Variants in FNDC3B observed in about 807,000 individuals in gnomAD.
FNDC3B encodes the protein fibronectin type III domain-containing protein 3B.
FNDC3B carries 12 observed loss-of-function variants against 151.5 expected under a neutral mutation model. That is an observed-to-expected ratio of 0.08 (90% CI 0.05 to 0.13). The LOEUF (loss-of-function observed/expected upper bound fraction) is 0.13. Among genes scored for constraint, FNDC3B ranks in the 10% least tolerant of loss-of-function variants. The pLI is 1.00. For synonymous variants in FNDC3B, 528 were observed against 549.0 expected, an observed-to-expected ratio of 0.96 and a Z score of 0.54; for missense variants, 1,214 against 1,505.3, an observed-to-expected ratio of 0.81 and a Z score of 3.20.
intron 6 of FNDC3B, among the ~76,000 whole-genome samples, chr3:172,279,493 T>C (rs1388351789): frequency 6.6e-6 from 1 of 152,244 alleles, no homozygotes; most frequent in South Asian, 2.1e-4. Flanking sequence ...TGCTGCTTTC[T>C]TTTTCGGTGT....
intron 7 of FNDC3B, among the ~76,000 whole-genome samples, chr3:172,294,464 C>A (rs1259696296): frequency 6.6e-6 from 1 of 152,140 alleles, no homozygotes; most frequent in South Asian, 2.1e-4. Flanking sequence ...GTGCCACACA[C>A]TTTTAAACAA....
intron 21 of FNDC3B, among the ~76,000 whole-genome samples, chr3:172,349,146 A>G (rs1009172840): frequency 1.3e-5 from 2 of 151,978 alleles, no homozygotes; most frequent in African/African-American, 4.8e-5. Flanking sequence ...AAATACAAAA[A>G]TTAGCCAGGC....
At position 172,110,201 on chromosome 3, in the gene FNDC3B, C is replaced by T. The variant is rs955435287; in HGVS notation, c.-28-2251C>T. Among the ~76,000 whole-genome samples the T allele has an allele frequency of 3.9e-5, 6 of 152,142 alleles. No individual in the cohort carries two copies. In the South Asian group the frequency reaches 1.2e-3, roughly 32 times the overall value. ...TTCTTCGGTACTAGAGACAGGAGAC[C>T]AGGAATGCCTAAATATTGTACCAGA... On this transcript the variant is annotated intron_variant, in intron 1 of 25. Transcript: ENST00000415807.
chr3:172,298,117 AAAGT>A (rs1442263406), intron 8 of FNDC3B, among the ~76,000 whole-genome samples: 1 of 152,204 alleles, frequency 6.6e-6, no homozygotes, highest in African/African-American at 2.4e-5. Context: ...TGAAGAACAC[AAAGT>A]AAGTCACATG....
At chr3:172,373,500 T>G (rs1464173840) in intron 23 of FNDC3B, among the ~76,000 whole-genome samples, 1 of 152,244 alleles carries the variant, frequency 6.6e-6, no homozygotes, top group Non-Finnish European at 1.5e-5. Flanking sequence ...TTTGGAATCC[T>G]TATCTGCATT....
rs562957183 is a variant in FNDC3B, at chr3:172,106,664, T to G, written c.-28-5788T>G. Among the ~76,000 whole-genome samples the G allele has an allele frequency of 3.8e-4, 58 of 152,336 alleles. No homozygotes were observed. In the South Asian group the frequency reaches 0.012, roughly 30 times the overall value. The stretch of plus-strand genomic sequence containing the variant: ...ACTTAAAAACTCTCCCAGCAGTGAT[T>G]AGGGCTTTGGCTTTAAGTTAGACAT... On this transcript the variant is annotated intron_variant, in intron 1 of 25. Coordinates refer to ENST00000415807, the MANE Select transcript of FNDC3B (RefSeq NM_022763.4).
chr3:172,263,586 GTTT>G (rs35762662), intron 6 of FNDC3B, among the ~76,000 whole-genome samples: 2,443 of 102,058 alleles, frequency 0.024, 26 homozygotes, highest in African/African-American at 0.054. Context: ...GCTATCAAGT[GTTT>G]TTTTTTTTTT....
At chr3:172,358,461 C>T (rs905157023) in intron 22 of FNDC3B, among the ~76,000 whole-genome samples, 3 of 152,240 alleles carry the variant, frequency 2.0e-5, no homozygotes, top group African/African-American at 7.2e-5. Flanking sequence ...CTCACTCTCA[C>T]CTTGCTGCGG....
chr3:172,253,331 G>A (rs927367146), intron 6 of FNDC3B, among the ~76,000 whole-genome samples: 2 of 152,192 alleles, frequency 1.3e-5, no homozygotes, highest in African/African-American at 2.4e-5. Context: ...CAGCCTCCTG[G>A]TTGTCACAGC....
intron 6 of FNDC3B, among the ~76,000 whole-genome samples, chr3:172,257,152 C>T (rs879528030): frequency 4.6e-5 from 7 of 152,096 alleles, no homozygotes; most frequent in Non-Finnish European, 1.0e-4. Flanking sequence ...CTCAGGTGAT[C>T]CACCCACTTC....
chr3:172,199,851 G>A (rs531416051), intron 3 of FNDC3B, among the ~76,000 whole-genome samples: 2 of 152,286 alleles, frequency 1.3e-5, no homozygotes, highest in East Asian at 3.9e-4. Flanking sequence ...AGGAATAAAT[G>A]TTTGCGAAGT....
chr3:172,341,059 A>T, intron 16 of FNDC3B, 54 bp from the exon 17 acceptor site: 1 of 1,175,544 alleles, frequency 8.5e-7, no homozygotes, highest in South Asian at 1.2e-5. Flanking sequence ...GCAATGGCTG[A>T]TATGCTACAT....
chr3:172,267,983 A>G (rs1729010926), intron 6 of FNDC3B, among the ~76,000 whole-genome samples: 1 of 152,230 alleles, frequency 6.6e-6, no homozygotes, highest in Non-Finnish European at 1.5e-5. Context: ...TCATATGCCA[A>G]GTGGGTGACA....
intron 1 of FNDC3B, among the ~76,000 whole-genome samples, chr3:172,092,083 TA>T (rs1718863960): frequency 6.6e-6 from 1 of 152,146 alleles, no homozygotes; most frequent in Non-Finnish European, 1.5e-5. Context: ...TCATTACTGA[TA>T]GAAAAAACAA....
At chr3:172,105,255 A>G (rs143386654) in intron 1 of FNDC3B, among the ~76,000 whole-genome samples, 138 of 152,218 alleles carry the variant, frequency 9.1e-4, no homozygotes, top group African/African-American at 3.2e-3. Context: ...TTCTGTGTAT[A>G]TGATTCCGTA....
At chr3:172,356,646 C>T (rs570149080) in intron 22 of FNDC3B, among the ~76,000 whole-genome samples, 1 of 152,154 alleles carries the variant, frequency 6.6e-6, no homozygotes, top group Non-Finnish European at 1.5e-5. Flanking sequence ...GAGGCCAGTT[C>T]CGACTCCTCC....
intron 24 of FNDC3B, among the ~76,000 whole-genome samples, chr3:172,379,231 C>T (rs1025947512): frequency 2.0e-5 from 3 of 152,258 alleles, no homozygotes; most frequent in African/African-American, 4.8e-5. Flanking sequence ...CCTGCAAATA[C>T]TGTGGTTCTT....
At chr3:172,318,246 G>A (rs1731909353) in intron 11 of FNDC3B, among the ~76,000 whole-genome samples, 1 of 152,244 alleles carries the variant, frequency 6.6e-6, no homozygotes, top group Non-Finnish European at 1.5e-5. Context: ...CCAGCAGCCG[G>A]TAGAACCCAT....
intron 1 of FNDC3B, among the ~76,000 whole-genome samples, chr3:172,077,076 G>T (rs1304123927): frequency 1.3e-5 from 2 of 152,094 alleles, no homozygotes; most frequent in African/African-American, 4.8e-5. Flanking sequence ...ACTTGAAAAT[G>T]ATGATAGGTA....
Sources: gnomAD v4.1 joint callset for allele counts (sites outside exome capture counted in the v4.1 genomes callset) on GRCh38, gnomAD v4.1.1 for gene constraint, MANE v1.5 for transcripts, NCBI Gene and HGNC (gene_info 2026-07-23, HGNC 2026-07-21) for gene names.